The following FAM107B variants were observed in gnomAD, a reference collection of about 807,000 sequenced individuals.
The protein encoded by FAM107B is protein FAM107B.
Under a neutral mutation model 31.5 loss-of-function variants are expected in FAM107B, and 21 were observed. That is an observed-to-expected ratio of 0.67 (90% CI 0.47 to 0.96). The LOEUF (loss-of-function observed/expected upper bound fraction) is 0.96, where lower values mean the gene tolerates loss of function less well. Among genes scored for constraint, FAM107B ranks in the 40% least tolerant of loss-of-function variants. The pLI is 0.00. For missense variants in FAM107B, 452 were observed against 377.1 expected (o/e 1.20, Z -1.64); for synonymous variants, 157 against 141.5 (o/e 1.11, Z -0.78).
At chr10:14,651,937 A>C (rs1449333968) in intron 2 of FAM107B, among the ~76,000 whole-genome samples, 1 of 152,178 alleles carries the variant, frequency 6.6e-6, no homozygotes, top group Non-Finnish European at 1.5e-5. Context: ...AAAGGAACTC[A>C]ATAAGATTCA....
At chr10:14,718,639 C>T (rs1213274041) in intron 1 of FAM107B, among the ~76,000 whole-genome samples, 1 of 152,146 alleles carries the variant, frequency 6.6e-6, no homozygotes, top group African/African-American at 2.4e-5. Flanking sequence ...ATGCACCAAC[C>T]AACTGAAGAT....
chr10:14,689,589 G>C (rs1000150755), intron 1 of FAM107B, among the ~76,000 whole-genome samples: 1 of 152,110 alleles, frequency 6.6e-6, no homozygotes, highest in African/African-American at 2.4e-5. Context: ...GTTAGGTGGA[G>C]GTGGTGGCAT....
At chr10:14,712,558 C>G (rs1255812600) in intron 1 of FAM107B, among the ~76,000 whole-genome samples, 1 of 151,536 alleles carries the variant, frequency 6.6e-6, no homozygotes. Context: ...CGCGTCACTG[C>G]ACTCCAGCCT....
intron 2 of FAM107B, among the ~76,000 whole-genome samples, chr10:14,573,252 A>G (rs989846769): frequency 1.3e-5 from 2 of 152,188 alleles, no homozygotes; most frequent in African/African-American, 4.8e-5. Context: ...TGATGAGGCC[A>G]TAAGGGCTCC....
At chr10:14,774,138 G>A in intron 1 of FAM107B, 115 bp downstream of exon 1, 5 of 1,311,316 alleles carry the variant, frequency 3.8e-6, no homozygotes, top group Non-Finnish European at 5.1e-6. Context: ...GAGAACGCCC[G>A]CAATGCCTTA....
At chr10:14,774,096 T>C (rs1833365637) in intron 1 of FAM107B, among the ~76,000 whole-genome samples, 157 bp downstream of exon 1, 1 of 152,206 alleles carries the variant, frequency 6.6e-6, no homozygotes, top group Non-Finnish European at 1.5e-5. Context: ...TCTGAGAATC[T>C]ACACGGCTTT....
chr10:14,610,083 C>T (rs2131389477), intron 2 of FAM107B, among the ~76,000 whole-genome samples: 1 of 152,320 alleles, frequency 6.6e-6, no homozygotes, highest in Non-Finnish European at 1.5e-5. Context: ...GTGGCTCACG[C>T]CTGTAATTCC....
At chr10:14,635,683 G>A (rs1288834182) in intron 2 of FAM107B, among the ~76,000 whole-genome samples, 1 of 152,038 alleles carries the variant, frequency 6.6e-6, no homozygotes, top group African/African-American at 2.4e-5. Flanking sequence ...CCAGGCTGGA[G>A]TACAGTGGCG....
chr10:14,772,729 AC>A (rs1292007709), intron 1 of FAM107B, among the ~76,000 whole-genome samples: 1 of 152,044 alleles, frequency 6.6e-6, no homozygotes, highest in Non-Finnish European at 1.5e-5. Flanking sequence ...GCTGTGGACC[AC>A]CCATGGCTTT....
At chr10:14,669,854 T>A (rs946091029) in intron 1 of FAM107B, among the ~76,000 whole-genome samples, 1 of 152,230 alleles carries the variant, frequency 6.6e-6, no homozygotes, top group Non-Finnish European at 1.5e-5. Flanking sequence ...TACATTCTAA[T>A]GTTCATAGCA....
chr10:14,670,206 C>T (rs1464922124), intron 1 of FAM107B, among the ~76,000 whole-genome samples: 1 of 152,166 alleles, frequency 6.6e-6, no homozygotes, highest in Non-Finnish European at 1.5e-5. Flanking sequence ...AAATCATCTC[C>T]AAATATTCAT....
chr10:14,707,771 C>T (rs1199691247), intron 1 of FAM107B, among the ~76,000 whole-genome samples: 1 of 152,192 alleles, frequency 6.6e-6, no homozygotes, highest in African/African-American at 2.4e-5. Flanking sequence ...AAACATGGCT[C>T]CCAACTCCCA....
chr10:14,676,050 T>TG (rs1854675064), intron 1 of FAM107B, among the ~76,000 whole-genome samples: 1 of 152,022 alleles, frequency 6.6e-6, no homozygotes, highest in African/African-American at 2.4e-5. Context: ...CCCAGCTACT[T>TG]GGGGGGCTGA....
At chr10:14,533,027 T>C (rs1050066558) in intron 2 of FAM107B, among the ~76,000 whole-genome samples, 5 of 152,018 alleles carry the variant, frequency 3.3e-5, no homozygotes, top group Admixed American at 1.3e-4. Context: ...GGTGAGGATA[T>C]AGAGCGTGGG....
chr10:14,576,553 A>AACAACAACAACAACAAC (rs1564582586), intron 2 of FAM107B, among the ~76,000 whole-genome samples: 42 of 105,880 alleles, frequency 4.0e-4, no homozygotes, highest in African/African-American at 1.3e-3. Context: ...ACAACAACAA[A>AACAACAACAACAACAAC]AAGCCACTGA....
chr10:14,526,498 A>T (rs2130804428), intron 3 of FAM107B, among the ~76,000 whole-genome samples: 1 of 152,210 alleles, frequency 6.6e-6, no homozygotes, highest in African/African-American at 2.4e-5. Flanking sequence ...CTTGTTCTTT[A>T]ATCTTGTAAT....
At position 14,735,122 on chromosome 10, in the gene FAM107B, C is replaced by T. The variant is rs148972741; in HGVS notation, c.411+39131G>A. The stretch of plus-strand genomic sequence containing the variant: ...CATTCTGAGGTCCTGTCCATTCCAG[C>T]GGATAAAATAAGCAGAATTTATTCC... On this transcript the variant is annotated intron_variant, in intron 1 of 4. Transcript: ENST00000181796. Among the ~76,000 whole-genome samples, 280 of 152,238 alleles carry T rather than the reference C, an allele frequency of 1.8e-3. 1 individual carries two copies. The highest frequency in any genetic ancestry group is 6.0e-3 in the African/African-American group (250 of 41,530).
chr10:14,772,534 C>T (rs1833330071), intron 1 of FAM107B, among the ~76,000 whole-genome samples: 1 of 152,076 alleles, frequency 6.6e-6, no homozygotes, highest in African/African-American at 2.4e-5. Flanking sequence ...TCCTGCACCT[C>T]CTGGCACTTG....
intron 1 of FAM107B, among the ~76,000 whole-genome samples, chr10:14,697,310 G>A (rs1291609456): frequency 6.6e-6 from 1 of 152,138 alleles, no homozygotes; most frequent in Non-Finnish European, 1.5e-5. Context: ...AACTTAACCA[G>A]GTCCCCGAAA....
Sources: allele counts gnomAD v4.1 joint callset (sites outside exome capture counted in the v4.1 genomes callset), GRCh38; gene constraint gnomAD v4.1.1; transcripts MANE v1.5; gene names NCBI Gene and HGNC (gene_info 2026-07-23, HGNC 2026-07-21).